Variants in ELAVL2 observed in about 807,000 individuals in gnomAD.
ELAVL2 encodes the protein ELAV like RNA binding protein 2.
In ELAVL2, 4 loss-of-function variants were observed where a neutral mutation model predicts 34.6. That is an observed-to-expected ratio of 0.12 (90% CI 0.06 to 0.26). The LOEUF (loss-of-function observed/expected upper bound fraction) is 0.26, where lower values mean the gene tolerates loss of function less well. Among genes scored for constraint, ELAVL2 ranks in the 10% least tolerant of loss-of-function variants. ELAVL2 has a pLI of 1.00. For synonymous variants in ELAVL2, 193 were observed against 154.8 expected, an observed-to-expected ratio of 1.25 and a Z score of -1.83; for missense variants, 432 against 442.8, an observed-to-expected ratio of 0.98 and a Z score of 0.22.
rs1334177240 is a variant in ELAVL2 at position 23,695,459 on chromosome 9, CAA to C, written c.714-1975_714-1974del. On this transcript the variant is annotated intron_variant, in intron 5 of 6. Transcript: ENST00000397312. The stretch of plus-strand genomic sequence containing the variant: ...GAGACAGATGAGTTTTCAGAATTTT[CAA>C]ACAGGGTAGAAACCAAATCTGCCCC... 2.6e-5 allele frequency among the ~76,000 whole-genome samples: 4 copies of C among 152,120 alleles called. No individual in the cohort carries two copies. In the South Asian group the frequency reaches 8.3e-4, roughly 31 times the overall value.
At chr9:23,726,882 G>A (rs1047278086) in intron 3 of ELAVL2, among the ~76,000 whole-genome samples, 4 of 152,022 alleles carry the variant, frequency 2.6e-5, no homozygotes, top group Admixed American at 6.6e-5. Context: ...ACTGAACACA[G>A]TAGGTACAAC....
At chr9:23,698,654 C>G (rs939850756) in intron 5 of ELAVL2, among the ~76,000 whole-genome samples, 1 of 151,960 alleles carries the variant, frequency 6.6e-6, no homozygotes, top group South Asian at 2.1e-4. Flanking sequence ...CAAAATATAT[C>G]TGTGTGATGA....
chr9:23,815,804 CA>C (rs1027496899), intron 1 of ELAVL2, among the ~76,000 whole-genome samples: 2 of 144,822 alleles, frequency 1.4e-5, no homozygotes, highest in Non-Finnish European at 3.1e-5. Context: ...GACAACTCAG[CA>C]AATTGGCCGC....
At chr9:23,761,143 T>C (rs2054893728) in intron 2 of ELAVL2, among the ~76,000 whole-genome samples, 1 of 152,124 alleles carries the variant, frequency 6.6e-6, no homozygotes, top group African/African-American at 2.4e-5. Flanking sequence ...CCATTTTATA[T>C]TTTTGGTTAT....
chr9:23,818,120 G>C (rs2063979760), intron 1 of ELAVL2, among the ~76,000 whole-genome samples: 1 of 152,150 alleles, frequency 6.6e-6, no homozygotes, highest in Non-Finnish European at 1.5e-5. Context: ...CAGAACCGGT[G>C]AAGACTTCTA....
At chr9:23,730,417 C>A (rs1161806807) in intron 3 of ELAVL2, among the ~76,000 whole-genome samples, 2 of 152,132 alleles carry the variant, frequency 1.3e-5, no homozygotes, top group East Asian at 3.9e-4. Flanking sequence ...CAAACTACAA[C>A]TCAAGCACCA....
chr9:23,710,234 C>T (rs2040558399), intron 3 of ELAVL2, among the ~76,000 whole-genome samples: 1 of 152,140 alleles, frequency 6.6e-6, no homozygotes, highest in African/African-American at 2.4e-5. Flanking sequence ...ATTAAACATA[C>T]AAAGATGAGT....
the ELAVL2 span, among the ~76,000 whole-genome samples, chr9:23,848,890 C>A: frequency 1.3e-5 from 2 of 152,150 alleles, no homozygotes; most frequent in African/African-American, 2.4e-5. Context: ...AGAAAATGGG[C>A]AGGTCCATTC....
At position 23,750,753 on chromosome 9, in the gene ELAVL2, T is replaced by C. The variant is rs910460661; in HGVS notation, c.229+11253A>G. Among the ~76,000 whole-genome samples, 5 of 152,148 alleles carry C rather than the reference T, an allele frequency of 3.3e-5. No homozygotes were observed. In the East Asian group the frequency reaches 9.7e-4, roughly 29 times the overall value. On this transcript the variant is annotated intron_variant, in intron 2 of 6. Coordinates refer to ENST00000397312, the MANE Select transcript of ELAVL2 (RefSeq NM_004432.5). ...CATTTAAAGTAGAATAAGAGCAAAC[T>C]ACAATTCATTTAAATGGAATGAAAA...
intron 1 of ELAVL2, among the ~76,000 whole-genome samples, chr9:23,818,994 G>A (rs1326849437): frequency 1.3e-5 from 2 of 152,222 alleles, no homozygotes; most frequent in Non-Finnish European, 2.9e-5. Context: ...GTTGATCCCA[G>A]CTTAAAAGTC....
intron 1 of ELAVL2, among the ~76,000 whole-genome samples, chr9:23,766,381 G>A (rs34123895): frequency 6.6e-6 from 1 of 152,082 alleles, no homozygotes; most frequent in Non-Finnish European, 1.5e-5. Flanking sequence ...GAACCCAACT[G>A]TAGTTAAGAC....
At chr9:23,726,897 C>T (rs1285422860) in intron 3 of ELAVL2, among the ~76,000 whole-genome samples, 1 of 152,010 alleles carries the variant, frequency 6.6e-6, no homozygotes, top group Non-Finnish European at 1.5e-5. Context: ...TACAACCACT[C>T]ACTTCATGAA....
chr9:23,823,161 C>A (rs1407639467), intron 1 of ELAVL2, among the ~76,000 whole-genome samples: 1 of 152,208 alleles, frequency 6.6e-6, no homozygotes, highest in Non-Finnish European at 1.5e-5. Context: ...AATTAAATGA[C>A]CTTAATTGAC....
intron 1 of ELAVL2, among the ~76,000 whole-genome samples, chr9:23,779,073 A>G (rs1037960993): frequency 1.3e-5 from 2 of 152,226 alleles, no homozygotes; most frequent in African/African-American, 4.8e-5. Context: ...CAGCACACAA[A>G]AAAGATAAAA....
intron 1 of ELAVL2, among the ~76,000 whole-genome samples, chr9:23,817,147 A>C (rs188213240): frequency 2.6e-5 from 4 of 151,998 alleles, no homozygotes; most frequent in Admixed American, 1.3e-4. Flanking sequence ...GGGAAAGGGG[A>C]TTTTGCATGT....
intron 1 of ELAVL2, among the ~76,000 whole-genome samples, chr9:23,819,924 G>GTGT (rs1470025412): frequency 6.6e-6 from 1 of 152,046 alleles, no homozygotes; most frequent in Non-Finnish European, 1.5e-5. Context: ...ACAACCTTAA[G>GTGT]TGTTGTTACC....
the ELAVL2 span, among the ~76,000 whole-genome samples, chr9:23,837,360 T>C: frequency 6.6e-6 from 1 of 152,162 alleles, no homozygotes; most frequent in Non-Finnish European, 1.5e-5. Context: ...GCATGAGTCC[T>C]AGTATTATTT....
At chr9:23,757,013 A>G (rs527528080) in intron 2 of ELAVL2, among the ~76,000 whole-genome samples, 1 of 152,226 alleles carries the variant, frequency 6.6e-6, no homozygotes, top group African/African-American at 2.4e-5. Context: ...TTGGGCTTCA[A>G]GATCACCTGG....
At chr9:23,819,994 G>C (rs1221143826) in intron 1 of ELAVL2, among the ~76,000 whole-genome samples, 1 of 151,990 alleles carries the variant, frequency 6.6e-6, no homozygotes, top group Non-Finnish European at 1.5e-5. Context: ...GTAACATTCG[G>C]GTCCACTCAG....
Sources: allele counts gnomAD v4.1 joint callset (sites outside exome capture counted in the v4.1 genomes callset), GRCh38; gene constraint gnomAD v4.1.1; transcripts MANE v1.5; gene names NCBI Gene and HGNC (gene_info 2026-07-23, HGNC 2026-07-21).